The following MSN variants were observed in gnomAD, a reference collection of about 807,000 sequenced individuals.
MSN encodes moesin.
A neutral mutation model predicts 48.0 loss-of-function variants in MSN; 2 were observed. That is an observed-to-expected ratio of 0.04 (90% CI 0.02 to 0.13). MSN has a LOEUF of 0.13. Among genes scored for constraint, MSN ranks in the 10% least tolerant of loss-of-function variants. MSN has a pLI of 1.00. For missense variants in MSN, 267 were observed against 470.1 expected (o/e 0.57, Z 3.99); for synonymous variants, 146 against 166.9 (o/e 0.87, Z 0.97).
At chrX:65,635,539 G>A (rs755136567) in intron 1 of MSN, among the ~76,000 whole-genome samples, 1 of 111,777 alleles carries the variant, frequency 8.9e-6, no homozygotes, top group African/African-American at 3.3e-5. Flanking sequence ...GGCAAAGACT[G>A]TGAGTTCCAA....
intron 1 of MSN, among the ~76,000 whole-genome samples, chrX:65,676,156 T>C (rs1213356976): frequency 8.9e-6 from 1 of 111,740 alleles, no homozygotes; most frequent in Non-Finnish European, 1.9e-5. Flanking sequence ...TCTCAGTGTG[T>C]GGTTGTTAGA....
intron 1 of MSN, among the ~76,000 whole-genome samples, chrX:65,707,355 A>G (rs1387765434): frequency 9.0e-6 from 1 of 111,250 alleles, no homozygotes. Context: ...TTCTTGGGCA[A>G]CAGGTGGGAG....
intron 1 of MSN, among the ~76,000 whole-genome samples, chrX:65,590,143 G>C (rs73629452): frequency 0.027 from 2,957 of 110,898 alleles, 91 homozygotes; most frequent in African/African-American, 0.092. Context: ...GTAATCCTGA[G>C]CTCTTTGGCT....
chrX:65,683,432 A>G (rs2071078518), intron 1 of MSN, among the ~76,000 whole-genome samples: 1 of 49,135 alleles, frequency 2.0e-5, no homozygotes, highest in Non-Finnish European at 3.8e-5. Flanking sequence ...CACCACCACC[A>G]CCACCACCAC....
intron 1 of MSN, among the ~76,000 whole-genome samples, chrX:65,623,829 T>A (rs945110142): frequency 2.3e-4 from 24 of 106,325 alleles, no homozygotes; most frequent in East Asian, 8.8e-4. Context: ...AAAAAAAAAA[T>A]TTTGGAATTT....
rs2071685262 is a variant in MSN at position 65,737,107 on chromosome X, C to T, written c.1091-71C>T. The T allele has an allele frequency of 6.1e-6, 7 of 1,148,018 alleles. No individual in the cohort carries two copies. The East Asian group carries it at 2.1e-4, about 35-fold the overall frequency. 94.6% of individuals were successfully genotyped at this position (1,148,018 alleles called of 1,213,427 possible). The stretch of plus-strand genomic sequence containing the variant: ...GCTTTGTCTTGGGGTGGATCATTTC[C>T]AGGAACGAAGCTATTGTGTCGTCTT... On this transcript the variant is annotated intron_variant, in intron 9 of 12. Coordinates refer to ENST00000360270, the MANE Select transcript of MSN (RefSeq NM_002444.3).
At chrX:65,615,406 G>A (rs1331887605) in intron 1 of MSN, among the ~76,000 whole-genome samples, 3 of 110,249 alleles carry the variant, frequency 2.7e-5, no homozygotes, top group Non-Finnish European at 5.6e-5. Context: ...TCTAACAGGT[G>A]TGAGATGGTA....
chrX:65,638,497 A>G (rs1347786250), intron 1 of MSN, among the ~76,000 whole-genome samples: 2 of 112,835 alleles, frequency 1.8e-5, no homozygotes, highest in African/African-American at 6.4e-5. Flanking sequence ...TTCCTAGCAT[A>G]GTACCTGGCA....
chrX:65,601,736 T>C (rs990437442), intron 1 of MSN, among the ~76,000 whole-genome samples: 3 of 112,932 alleles, frequency 2.7e-5, no homozygotes, highest in Non-Finnish European at 5.6e-5. Context: ...TGGGACACTT[T>C]GGGCTGCAAC....
intron 3 of MSN, among the ~76,000 whole-genome samples, chrX:65,728,451 G>A (rs2071590021): frequency 1.8e-5 from 2 of 110,410 alleles, no homozygotes; most frequent in African/African-American, 6.6e-5. Context: ...CTGCCACCAC[G>A]CCCGGCTAAT....
At chrX:65,622,977 T>C (rs1485840582) in intron 1 of MSN, among the ~76,000 whole-genome samples, 1 of 112,066 alleles carries the variant, frequency 8.9e-6, no homozygotes, top group East Asian at 2.8e-4. Context: ...ATAGATTTTG[T>C]GAAATGCTTT....
exon 1 of MSN, chrX:65,588,574 C>G (rs2070116844): frequency 7.5e-6 from 6 of 804,450 alleles, no homozygotes; most frequent in Non-Finnish European, 7.5e-6. Flanking sequence ...CCATCAGTCC[C>G]TTAACTGCCA....
intron 1 of MSN, among the ~76,000 whole-genome samples, chrX:65,643,060 C>T (rs1273698489): frequency 9.0e-6 from 1 of 110,982 alleles, no homozygotes; most frequent in African/African-American, 3.3e-5. Context: ...AGAATTCCTC[C>T]CTCCTCTTCC....
intron 1 of MSN, among the ~76,000 whole-genome samples, chrX:65,608,115 G>T (rs760257479): frequency 8.9e-6 from 1 of 111,990 alleles, no homozygotes; most frequent in East Asian, 2.8e-4. Context: ...GATTCCAAAT[G>T]CCACGGTGTG....
chrX:65,729,297 C>A, intron 3 of MSN, 141 bp from the exon 4 acceptor site: 1 of 591,799 alleles, frequency 1.7e-6, no homozygotes, highest in Non-Finnish European at 2.6e-6. Flanking sequence ...TATTATTTTT[C>A]TTAATTACCA....
chrX:65,590,629 T>TA (rs1404330817), intron 1 of MSN, among the ~76,000 whole-genome samples: 2 of 111,782 alleles, frequency 1.8e-5, no homozygotes, highest in Non-Finnish European at 3.8e-5. Context: ...GAAGTATAGT[T>TA]AGAGAGGTGG....
chrX:65,677,007 T>A (rs1004459346), intron 1 of MSN, among the ~76,000 whole-genome samples: 1 of 110,779 alleles, frequency 9.0e-6, no homozygotes. Flanking sequence ...ATATTTTTTT[T>A]AGTAGAGATG....
chrX:65,634,137 G>A (rs958255795), intron 1 of MSN, among the ~76,000 whole-genome samples: 2 of 112,058 alleles, frequency 1.8e-5, no homozygotes, highest in Non-Finnish European at 3.8e-5. Flanking sequence ...CTGGCAAAGA[G>A]GACTGAGAAG....
At chrX:65,593,049 A>T (rs1030647042) in intron 1 of MSN, among the ~76,000 whole-genome samples, 1 of 111,377 alleles carries the variant, frequency 9.0e-6, no homozygotes, top group African/African-American at 3.3e-5. Context: ...TCAAACCAAG[A>T]CCAATTTTGA....
Sources: gnomAD v4.1 joint callset for allele counts (sites outside exome capture counted in the v4.1 genomes callset) on GRCh38, gnomAD v4.1.1 for gene constraint, MANE v1.5 for transcripts, NCBI Gene and HGNC (gene_info 2026-07-23, HGNC 2026-07-21) for gene names.